Variants in SHROOM3 observed in about 807,000 individuals in gnomAD.
SHROOM3 encodes the protein protein Shroom3.
Under a neutral mutation model 138.6 loss-of-function variants are expected in SHROOM3, and 47 were observed. That is an observed-to-expected ratio of 0.34 (90% CI 0.27 to 0.43). The LOEUF is 0.43. Among genes scored for constraint, SHROOM3 ranks in the 20% least tolerant of loss-of-function variants. The pLI, the probability that SHROOM3 is intolerant of heterozygous loss-of-function variation, is 1.00. For missense variants in SHROOM3, 2,491 were observed against 2,596.5 expected, an observed-to-expected ratio of 0.96 and a Z score of 0.88; for synonymous variants, 1,062 against 1,063.3, an observed-to-expected ratio of 1.00 and a Z score of 0.02.
chr4:76,654,019 G>A (rs1736014879), intron 2 of SHROOM3, among the ~76,000 whole-genome samples: 1 of 152,154 alleles, frequency 6.6e-6, no homozygotes, highest in African/African-American at 2.4e-5. Context: ...CAATCAATGT[G>A]GTAAATGTAA....
intron 1 of SHROOM3, among the ~76,000 whole-genome samples, chr4:76,459,901 T>G (rs1237261567): frequency 6.6e-6 from 1 of 152,216 alleles, no homozygotes; most frequent in Non-Finnish European, 1.5e-5. Flanking sequence ...CAGTTTTTCC[T>G]AGCCTCAGTT....
intron 1 of SHROOM3, among the ~76,000 whole-genome samples, chr4:76,551,625 G>C (rs906006367): frequency 6.6e-6 from 1 of 152,102 alleles, no homozygotes; most frequent in African/African-American, 2.4e-5. Flanking sequence ...GGGGAGGAAA[G>C]GATGGAGTCA....
At chr4:76,489,876 A>G (rs1731813323) in intron 1 of SHROOM3, among the ~76,000 whole-genome samples, 1 of 152,228 alleles carries the variant, frequency 6.6e-6, no homozygotes. Context: ...ATTGGACAAA[A>G]CGCCCAGCAA....
At chr4:76,469,408 C>T (rs1267623308) in intron 1 of SHROOM3, among the ~76,000 whole-genome samples, 2 of 151,974 alleles carry the variant, frequency 1.3e-5, no homozygotes, top group Non-Finnish European at 2.9e-5. Context: ...CTAAGTCCCC[C>T]CACTTAAATT....
At chr4:76,554,211 T>C (rs1001816262) in intron 1 of SHROOM3, among the ~76,000 whole-genome samples, 2 of 152,212 alleles carry the variant, frequency 1.3e-5, no homozygotes, top group East Asian at 3.8e-4. Context: ...GTGTGGTATG[T>C]AGCCTTTTCA....
chr4:76,512,652 G>A (rs1251999040), intron 1 of SHROOM3, among the ~76,000 whole-genome samples: 14 of 152,156 alleles, frequency 9.2e-5, no homozygotes, highest in Admixed American at 6.5e-4. Context: ...AATGATTGGG[G>A]GTGGGAAGGG....
At chr4:76,749,391 T>C (rs1721551787) in intron 6 of SHROOM3, among the ~76,000 whole-genome samples, 2 of 152,232 alleles carry the variant, frequency 1.3e-5, no homozygotes, top group Admixed American at 6.5e-5. Context: ...AATGATTTTC[T>C]TTAAGAATGA....
chr4:76,742,249 G>GT, intron 5 of SHROOM3: 2 of 341,640 alleles, frequency 5.9e-6, no homozygotes, highest in East Asian at 6.7e-5. Context: ...TTTGTTTTTT[G>GT]CTTTTTTTTT....
At chr4:76,771,048 C>T in intron 10 of SHROOM3, 150 bp downstream of exon 10, 3 of 1,041,650 alleles carry the variant, frequency 2.9e-6, no homozygotes, top group Non-Finnish European at 2.9e-6. Context: ...AACCAAGAAA[C>T]AGAGAAGGCA....
intron 2 of SHROOM3, among the ~76,000 whole-genome samples, chr4:76,568,011 G>A (rs550643575): frequency 1.4e-4 from 21 of 151,734 alleles, no homozygotes; most frequent in African/African-American, 4.6e-4. Context: ...ATTTTACATC[G>A]CAGTCCCCTT....
Position 76,677,334 on chromosome 4 carries a change from C to A in SHROOM3, c.324-32822C>A, listed in dbSNP as rs138195210. 7.2e-5 allele frequency among the ~76,000 whole-genome samples: 11 copies of A among 152,266 alleles called. No individual in the cohort carries two copies. The East Asian group carries it at 2.1e-3, about 29-fold the overall frequency. On this transcript the variant is annotated intron_variant, in intron 2 of 10. Coordinates refer to ENST00000296043, the MANE Select transcript of SHROOM3 (RefSeq NM_020859.4). Reference sequence around the variant, plus strand: ...GGGTGGTGTGAGAGAAAAGCACGGGCTTTGGGGTTGGGCAGACTTCTCTGA... The same window carrying A: ...GGGTGGTGTGAGAGAAAAGCACGGGATTTGGGGTTGGGCAGACTTCTCTGA...
At chr4:76,466,793 T>A (rs1731257470) in intron 1 of SHROOM3, among the ~76,000 whole-genome samples, 1 of 152,118 alleles carries the variant, frequency 6.6e-6, no homozygotes, top group Non-Finnish European at 1.5e-5. Context: ...AGGAATCCCT[T>A]TTTTGTACAT....
At chr4:76,571,414 T>C (rs1269619605) in intron 2 of SHROOM3, among the ~76,000 whole-genome samples, 1 of 152,260 alleles carries the variant, frequency 6.6e-6, no homozygotes, top group Non-Finnish European at 1.5e-5. Context: ...TTTGCTTTGC[T>C]TTAAAGAAAG....
intron 2 of SHROOM3, among the ~76,000 whole-genome samples, chr4:76,609,840 C>T (rs1217409029): frequency 4.6e-5 from 7 of 152,092 alleles, no homozygotes; most frequent in Admixed American, 4.6e-4. Flanking sequence ...TAAAAGATAA[C>T]ATTAATTTAC....
intron 8 of SHROOM3, 156 bp downstream of exon 8, chr4:76,757,093 C>A: frequency 8.6e-7 from 1 of 1,166,896 alleles, no homozygotes; most frequent in Non-Finnish European, 1.2e-6. Flanking sequence ...ATGGCTCTGG[C>A]AGTGAGGATG....
At chr4:76,468,533 G>A (rs902108485) in intron 1 of SHROOM3, among the ~76,000 whole-genome samples, 1 of 151,244 alleles carries the variant, frequency 6.6e-6, no homozygotes. Flanking sequence ...TAATAAATGA[G>A]TTTATTTTTA....
intron 2 of SHROOM3, among the ~76,000 whole-genome samples, chr4:76,667,978 A>AAAAAC (rs1245311986): frequency 1.4e-5 from 2 of 145,476 alleles, no homozygotes; most frequent in Admixed American, 6.8e-5. Flanking sequence ...AAAAAAAAAA[A>AAAAAC]AAAAAAAAAA....
In SHROOM3 at chr4:76,754,896, C is replaced by T; in HGVS notation, c.4413C>T (p.Asp1471=). 6.2e-7 allele frequency: 1 copy of T among 1,614,202 alleles called. No homozygotes were observed. Among genetic ancestry groups the T allele is most frequent in the Non-Finnish European group, 8.5e-7 (1 of 1,180,036 alleles). ...TTCCAAGTTTATGCAGCACTTCTGA[C>T]CCAGACACACCTCTTGGGGCCCCGA... ...QSLPSLCSTS[D]PDTPLGAPST... The change falls in exon 7 of 11, where the codon GAC becomes GAT. Residue 1471 remains aspartate (D), a synonymous_variant. Transcript: ENST00000296043.
intron 2 of SHROOM3, among the ~76,000 whole-genome samples, chr4:76,608,426 G>T (rs1734667863): frequency 6.6e-6 from 1 of 152,196 alleles, no homozygotes; most frequent in South Asian, 2.1e-4. Flanking sequence ...TAAAGAAAAA[G>T]AGGCAGAGCT....
Sources: allele counts gnomAD v4.1 joint callset (sites outside exome capture counted in the v4.1 genomes callset), GRCh38; gene constraint gnomAD v4.1.1; transcripts MANE v1.5; gene names NCBI Gene and HGNC (gene_info 2026-07-23, HGNC 2026-07-21).